The following GNA14 variants were observed in gnomAD, a reference collection of about 807,000 sequenced individuals.
GNA14 encodes G protein subunit alpha 14, also known as guanine nucleotide-binding protein subunit alpha-14.
GNA14 carries 50 observed loss-of-function variants against 42.0 expected under a neutral mutation model. The ratio of observed to expected loss-of-function variants is 1.19; its 90% CI spans 0.95 to 1.51. The LOEUF is 1.51. Among genes scored for constraint, GNA14 ranks in the 40% most tolerant of loss-of-function variants. The pLI, the probability that GNA14 is intolerant of heterozygous loss-of-function variation, is 0.00. For synonymous variants in GNA14, 173 were observed against 163.1 expected (o/e 1.06, Z -0.46); for missense variants, 473 against 446.2 (o/e 1.06, Z -0.54).
At chr9:77,436,814 A>AG (rs1298663588) in intron 2 of GNA14, among the ~76,000 whole-genome samples, 3 of 152,254 alleles carry the variant, frequency 2.0e-5, no homozygotes, top group African/African-American at 7.2e-5. Flanking sequence ...GGTGTCTTCT[A>AG]TGGATAGGCG....
intron 1 of GNA14, among the ~76,000 whole-genome samples, chr9:77,571,860 T>C (rs761776926): frequency 6.6e-6 from 1 of 152,230 alleles, no homozygotes; most frequent in African/African-American, 2.4e-5. Flanking sequence ...TAAGTGTATG[T>C]TGAAATGATA....
At chr9:77,429,998 C>T (rs560754716) in intron 4 of GNA14, among the ~76,000 whole-genome samples, 10 of 152,180 alleles carry the variant, frequency 6.6e-5, no homozygotes, top group South Asian at 6.2e-4. Flanking sequence ...AGGCCAACCA[C>T]CCAGAACTGT....
At chr9:77,586,771 G>T (rs893033606) in intron 1 of GNA14, among the ~76,000 whole-genome samples, 3 of 152,144 alleles carry the variant, frequency 2.0e-5, no homozygotes, top group African/African-American at 7.2e-5. Flanking sequence ...CTTTTATTAT[G>T]CAGATAGGTT....
At chr9:77,463,085 C>A (rs1168425389) in intron 2 of GNA14, among the ~76,000 whole-genome samples, 1 of 152,204 alleles carries the variant, frequency 6.6e-6, no homozygotes, top group Non-Finnish European at 1.5e-5. Context: ...AAGCTCTGAT[C>A]TTGATCCTCT....
intron 1 of GNA14, among the ~76,000 whole-genome samples, chr9:77,605,404 T>C (rs1055041921): frequency 2.0e-5 from 3 of 150,790 alleles, no homozygotes; most frequent in Non-Finnish European, 2.9e-5. Flanking sequence ...ATATGGCACA[T>C]TGGCATTTGA....
At chr9:77,464,512 T>C (rs908020164) in intron 2 of GNA14, among the ~76,000 whole-genome samples, 1 of 151,258 alleles carries the variant, frequency 6.6e-6, no homozygotes, top group African/African-American at 2.5e-5. Context: ...TTTCTTAATC[T>C]AGGGATATTC....
At chr9:77,522,574 A>G (rs970074944) in intron 2 of GNA14, among the ~76,000 whole-genome samples, 2 of 152,196 alleles carry the variant, frequency 1.3e-5, no homozygotes, top group Non-Finnish European at 2.9e-5. Context: ...GTTGACAGAA[A>G]AGCAGAATCC....
At chr9:77,536,420 G>A (rs1180332180) in intron 1 of GNA14, among the ~76,000 whole-genome samples, 2 of 152,250 alleles carry the variant, frequency 1.3e-5, no homozygotes, top group African/African-American at 2.4e-5. Context: ...ACACGATCTT[G>A]GTTTACTGCA....
chr9:77,575,173 A>G (rs1401984797), intron 1 of GNA14, among the ~76,000 whole-genome samples: 1 of 152,198 alleles, frequency 6.6e-6, no homozygotes, highest in East Asian at 1.9e-4. Flanking sequence ...ATTTGACTTC[A>G]TATCTGGCTA....
intron 2 of GNA14, among the ~76,000 whole-genome samples, chr9:77,436,892 T>G (rs998849669): frequency 5.9e-5 from 9 of 152,080 alleles, no homozygotes; most frequent in African/African-American, 2.2e-4. Flanking sequence ...TATGACAAAA[T>G]AAGAGTGAAA....
At chr9:77,618,236 G>T (rs1823854387) in intron 1 of GNA14, among the ~76,000 whole-genome samples, 1 of 152,070 alleles carries the variant, frequency 6.6e-6, no homozygotes, top group African/African-American at 2.4e-5. Context: ...CTTTGCCTTT[G>T]TGATTCTTAA....
rs753599450 is a variant in GNA14, at chr9:77,425,708, A to G, written c.731T>C (p.Met244Thr). ...VLAECDNENR[M>T]EESKALFKTI... ...TTTAAATAAGGCTTTGCTCTCTTCC[A>G]TGCGATTCTAAGTGAAAAACAAGGG... Residue 244 changes from methionine to threonine, a missense_variant, in exon 6 of 7, where the codon ATG (methionine) becomes ACG (threonine). Coordinates refer to ENST00000341700, the MANE Select transcript of GNA14 (RefSeq NM_004297.4). 31 of 1,595,108 alleles carry G rather than the reference A, an allele frequency of 1.9e-5. No homozygotes were observed. In the South Asian group the frequency reaches 2.8e-4, roughly 15 times the overall value.
At chr9:77,491,866 T>C (rs979703284) in intron 2 of GNA14, among the ~76,000 whole-genome samples, 2 of 152,206 alleles carry the variant, frequency 1.3e-5, no homozygotes, top group South Asian at 4.1e-4. Context: ...ATACACATTC[T>C]TTTCATCAGC....
At chr9:77,485,237 A>T (rs773184701) in intron 2 of GNA14, among the ~76,000 whole-genome samples, 1 of 152,208 alleles carries the variant, frequency 6.6e-6, no homozygotes, top group Non-Finnish European at 1.5e-5. Flanking sequence ...TGTTCACAGC[A>T]TCTCCACAGG....
chr9:77,647,964 T>A lies in GNA14; in HGVS notation c.-171A>T. Reference sequence around the variant, plus strand: ...CTGGACCTCCGAGGCTCAATCCCCCTTCGAAAGTCGGCTCTGAGGCGGGGT... The same window carrying A: ...CTGGACCTCCGAGGCTCAATCCCCCATCGAAAGTCGGCTCTGAGGCGGGGT... On this transcript the variant is annotated 5_prime_UTR_variant, in exon 1 of 7. In the 5' UTR this introduces an upstream ATG that the reference lacks. Transcript: ENST00000341700. The A allele has an allele frequency of 1.4e-6, 1 of 723,184 alleles. No individual in the cohort carries two copies. Among genetic ancestry groups the A allele is most frequent in the Non-Finnish European group, 2.2e-6 (1 of 456,756 alleles). 44.8% of individuals were successfully genotyped at this position (723,184 alleles called of 1,614,324 possible).
At chr9:77,440,438 C>T (rs903066367) in intron 2 of GNA14, among the ~76,000 whole-genome samples, 3 of 152,216 alleles carry the variant, frequency 2.0e-5, no homozygotes, top group Admixed American at 6.5e-5. Flanking sequence ...AGCAGGGCTC[C>T]GAGCTCTCTG....
chr9:77,493,003 GAAAAAAAA>G (rs56355394), intron 2 of GNA14, among the ~76,000 whole-genome samples: 1 of 39,862 alleles, frequency 2.5e-5, no homozygotes, highest in Non-Finnish European at 3.9e-5. Context: ...TCCGTCTCAG[GAAAAAAAA>G]AAAAAAAAAA....
intron 1 of GNA14, among the ~76,000 whole-genome samples, chr9:77,589,642 C>T (rs1228259103): frequency 6.6e-6 from 1 of 152,108 alleles, no homozygotes; most frequent in Non-Finnish European, 1.5e-5. Flanking sequence ...CCTCCACCCT[C>T]GGGCTATGGC....
intron 2 of GNA14, among the ~76,000 whole-genome samples, chr9:77,443,103 T>A (rs934252400): frequency 6.6e-6 from 1 of 152,218 alleles, no homozygotes. Context: ...CTTCACCATA[T>A]AGAGATTTGA....
Sources: gnomAD v4.1 joint callset for allele counts (sites outside exome capture counted in the v4.1 genomes callset) on GRCh38, gnomAD v4.1.1 for gene constraint, MANE v1.5 for transcripts, NCBI Gene and HGNC (gene_info 2026-07-23, HGNC 2026-07-21) for gene names.